Variants in REPS2 observed in about 807,000 individuals in gnomAD.
The protein encoded by REPS2 is ralBP1-associated Eps domain-containing protein 2.
In REPS2, 23 loss-of-function variants were observed where a neutral mutation model predicts 53.6. The observed-to-expected ratio is 0.43, with a 90% CI of 0.31 to 0.61. The LOEUF is 0.61. Among genes scored for constraint, REPS2 ranks in the 20% least tolerant of loss-of-function variants. REPS2 has a pLI of 0.11. For missense variants in REPS2, 446 were observed against 534.9 expected, an observed-to-expected ratio of 0.83 and a Z score of 1.64; for synonymous variants, 238 against 218.6, an observed-to-expected ratio of 1.09 and a Z score of -0.78.
Position 17,025,180 on chromosome X carries a change from A to G in REPS2, c.668A>G (p.His223Arg). ...SKLRSSAEQM[H>R]PAPYEARQPL... ...CTGCGGAGCAGCGCAGAACAGATGC[A>G]TCCAGGTAAGAGGCGACCTGGGGGC... Residue 223 changes from histidine to arginine, a missense_variant, in exon 4 of 18, where the codon CAT (histidine) becomes CGT (arginine). By Grantham distance (29) the His-to-Arg change is conservative (BLOSUM62 0). Transcript: ENST00000357277. 8.3e-7 allele frequency: 1 copy of G among 1,209,435 alleles called. No individual in the cohort carries two copies. Among genetic ancestry groups the G allele is most frequent in the Non-Finnish European group, 1.1e-6 (1 of 894,329 alleles).
intron 1 of REPS2, among the ~76,000 whole-genome samples, chrX:16,964,789 G>GC (rs2060716657): frequency 1.3e-5 from 1 of 74,372 alleles, no homozygotes; most frequent in Non-Finnish European, 2.7e-5. Flanking sequence ...GCGGGGGGCT[G>GC]ACCCCCCCAC....
intron 14 of REPS2, among the ~76,000 whole-genome samples, chrX:17,118,470 A>T (rs183235506): frequency 9.0e-6 from 1 of 111,092 alleles, no homozygotes; most frequent in East Asian, 2.8e-4. Context: ...ACACTCTCAC[A>T]TCTGTCATTG....
At chrX:17,096,963 C>T (rs1475607077) in intron 13 of REPS2, among the ~76,000 whole-genome samples, 3 of 111,327 alleles carry the variant, frequency 2.7e-5, no homozygotes, top group Non-Finnish European at 3.8e-5. Context: ...TGAGAATTGA[C>T]CAAAATTAAT....
intron 14 of REPS2, among the ~76,000 whole-genome samples, chrX:17,113,903 T>A (rs2063011183): frequency 8.9e-6 from 1 of 112,445 alleles, no homozygotes; most frequent in Non-Finnish European, 1.9e-5. Context: ...ACATTTATTT[T>A]AGTATTATAA....
chrX:17,002,319 T>G (rs760584713), intron 1 of REPS2, among the ~76,000 whole-genome samples: 2 of 111,421 alleles, frequency 1.8e-5, no homozygotes, highest in South Asian at 7.6e-4. Flanking sequence ...TTGCTTTTGA[T>G]AGGGAGGTGC....
chrX:16,985,071 A>G (rs1239197254), intron 1 of REPS2, among the ~76,000 whole-genome samples: 1 of 111,575 alleles, frequency 9.0e-6, no homozygotes, highest in African/African-American at 3.3e-5. Flanking sequence ...GCTCTTAGAA[A>G]GGGGCTCAGT....
chrX:17,041,096 C>T (rs1471769937), intron 5 of REPS2, among the ~76,000 whole-genome samples: 1 of 111,752 alleles, frequency 8.9e-6, no homozygotes, highest in Non-Finnish European at 1.9e-5. Flanking sequence ...GATTCATGCA[C>T]CAGAGCTCCT....
At chrX:17,155,148 C>G (rs186315060), downstream of REPS2, among the ~76,000 whole-genome samples, 1 of 111,690 alleles carries the variant, frequency 9.0e-6, no homozygotes, top group Non-Finnish European at 1.9e-5. Flanking sequence ...TTGTTTCTTA[C>G]AGTTATAGAG....
At chrX:17,094,881 A>G (rs748396641) in intron 13 of REPS2, among the ~76,000 whole-genome samples, 37 of 109,980 alleles carry the variant, frequency 3.4e-4, no homozygotes, top group Non-Finnish European at 6.1e-4. Context: ...TCCCATGGAT[A>G]TTTTCCCAAT....
chrX:16,974,320 A>T (rs753422926), intron 1 of REPS2, among the ~76,000 whole-genome samples: 1 of 111,298 alleles, frequency 9.0e-6, no homozygotes, highest in East Asian at 2.8e-4. Flanking sequence ...CATTTTGAAC[A>T]ATGACAAATT....
chrX:17,020,631 C>CT (rs11405255), intron 2 of REPS2, among the ~76,000 whole-genome samples: 20,791 of 102,517 alleles, frequency 0.2, 2,150 homozygotes, highest in East Asian at 0.43. Flanking sequence ...TTGCCTGCTT[C>CT]TTTTTTTTTT....
chrX:17,153,733 T>TGA (rs1411441801), downstream of REPS2, among the ~76,000 whole-genome samples: 1 of 110,557 alleles, frequency 9.0e-6, no homozygotes, highest in Non-Finnish European at 1.9e-5. Context: ...TCCTATTGGG[T>TGA]GAGGGGTTTT....
chrX:17,108,908 A>C (rs941184515), intron 14 of REPS2, among the ~76,000 whole-genome samples: 3 of 109,610 alleles, frequency 2.7e-5, no homozygotes, highest in Non-Finnish European at 5.7e-5. Flanking sequence ...GTTTTAAAGA[A>C]ACAACAGAAC....
chrX:17,193,690 C>A, the REPS2 span, among the ~76,000 whole-genome samples: 1 of 111,409 alleles, frequency 9.0e-6, no homozygotes, highest in African/African-American at 3.3e-5. Flanking sequence ...CATTTCCAGT[C>A]ATTTGTTTTC....
intron 2 of REPS2, among the ~76,000 whole-genome samples, chrX:17,009,156 GGTTTTTTGTTTGTTT>G (rs1336562291): frequency 1.2e-5 from 1 of 86,835 alleles, no homozygotes. Flanking sequence ...TTTTCCCACT[GGTTTTTTGTTTGTTT>G]GTTTTTTGAC....
At chrX:17,050,194 C>CTTTCTTTCTTTCTTTTCTT (rs1223989029) in intron 6 of REPS2, among the ~76,000 whole-genome samples, 1 of 51,801 alleles carries the variant, frequency 1.9e-5, no homozygotes, top group African/African-American at 9.5e-5. Flanking sequence ...TTCTTTCTTT[C>CTTTCTTTCTTTCTTTTCTT]TTTTTTTTTT....
intron 13 of REPS2, among the ~76,000 whole-genome samples, chrX:17,099,434 C>T (rs1184932864): frequency 9.0e-6 from 1 of 111,477 alleles, no homozygotes; most frequent in African/African-American, 3.3e-5. Context: ...TTGTGCGTTG[C>T]GGAGATGCTC....
At chrX:17,047,257 A>G in intron 5 of REPS2, 90 bp from the exon 6 acceptor site, 1 of 1,015,441 alleles carries the variant, frequency 9.8e-7, no homozygotes, top group Non-Finnish European at 1.4e-6. Context: ...ATTAAGCATA[A>G]CACATGATAA....
At chrX:17,193,486 T>C in the REPS2 span, among the ~76,000 whole-genome samples, 1 of 110,993 alleles carries the variant, frequency 9.0e-6, no homozygotes, top group Admixed American at 9.6e-5. Context: ...GTCCCAGCAT[T>C]GCAGTCCAAA....
Sources: allele counts gnomAD v4.1 joint callset (sites outside exome capture counted in the v4.1 genomes callset), GRCh38; gene constraint gnomAD v4.1.1; transcripts MANE v1.5; gene names NCBI Gene and HGNC (gene_info 2026-07-23, HGNC 2026-07-21).